Variants in VPS8 observed in about 807,000 individuals in gnomAD.
The protein encoded by VPS8 is VPS8 subunit of CORVET complex.
Under a neutral mutation model 216.4 loss-of-function variants are expected in VPS8, and 129 were observed. The observed-to-expected ratio is 0.60, with a 90% CI of 0.52 to 0.69. The LOEUF is 0.69. Ranked by LOEUF, VPS8 falls within the 30% of genes least tolerant of loss-of-function variation. The pLI, the probability that VPS8 is intolerant of heterozygous loss-of-function variation, is 0.00. For synonymous variants in VPS8, 571 were observed against 565.4 expected, an observed-to-expected ratio of 1.01 and a Z score of -0.14; for missense variants, 1,531 against 1,683.5, an observed-to-expected ratio of 0.91 and a Z score of 1.59.
At chr3:184,896,458 C>T (rs1437137417) in intron 23 of VPS8, among the ~76,000 whole-genome samples, 1 of 152,108 alleles carries the variant, frequency 6.6e-6, no homozygotes, top group Non-Finnish European at 1.5e-5. Flanking sequence ...GGTTACTGCC[C>T]TATCTCACTC....
At chr3:184,997,713 C>G (rs759254001) in intron 44 of VPS8, among the ~76,000 whole-genome samples, 1 of 152,048 alleles carries the variant, frequency 6.6e-6, no homozygotes, top group Non-Finnish European at 1.5e-5. Context: ...AAAGGAGATA[C>G]AGAGTGTTTG....
intron 22 of VPS8, 122 bp from the exon 23 acceptor site, chr3:184,894,581 C>A: frequency 1.5e-6 from 1 of 657,016 alleles, no homozygotes; most frequent in Non-Finnish European, 2.5e-6. Context: ...AATATTATTG[C>A]CATTTTAAAT....
chr3:185,006,626 T>C (rs894562654), intron 45 of VPS8, among the ~76,000 whole-genome samples: 4 of 152,246 alleles, frequency 2.6e-5, no homozygotes, highest in Non-Finnish European at 5.9e-5. Context: ...AATTTTGTTA[T>C]ATGAAAGTTT....
At chr3:185,016,314 A>T (rs1755784454) in intron 45 of VPS8, among the ~76,000 whole-genome samples, 1 of 152,210 alleles carries the variant, frequency 6.6e-6, no homozygotes, top group Non-Finnish European at 1.5e-5. Context: ...CAGTGTGAGA[A>T]ATCGAATTTT....
chr3:184,841,184 GTAGAAAATA>G (rs1415097654), intron 7 of VPS8, among the ~76,000 whole-genome samples: 4 of 152,058 alleles, frequency 2.6e-5, no homozygotes, highest in Admixed American at 6.5e-5. Context: ...TATAGTCATA[GTAGAAAATA>G]TAGAAAATAT....
intron 45 of VPS8, among the ~76,000 whole-genome samples, chr3:185,015,006 G>A (rs1006288735): frequency 1.3e-5 from 2 of 152,194 alleles, no homozygotes; most frequent in East Asian, 3.9e-4. Flanking sequence ...TCTCCCAAAC[G>A]AGGGAACATG....
chr3:184,901,075 A>G, intron 25 of VPS8, 103 bp downstream of exon 25: 2 of 990,692 alleles, frequency 2.0e-6, no homozygotes, highest in Non-Finnish European at 1.6e-6. Context: ...GAATGTTGGT[A>G]ATCATGTACA....
At chr3:184,969,276 C>G (rs1747948029) in intron 39 of VPS8, among the ~76,000 whole-genome samples, 1 of 151,310 alleles carries the variant, frequency 6.6e-6, no homozygotes, top group Non-Finnish European at 1.5e-5. Context: ...TGCCACCACA[C>G]CCGGCTAATT....
intron 46 of VPS8, among the ~76,000 whole-genome samples, chr3:185,031,062 C>CTTTTTTTTTTT (rs1561198896): frequency 2.7e-5 from 2 of 75,238 alleles, no homozygotes; most frequent in African/African-American, 1.5e-4. Flanking sequence ...TACAGGTTGG[C>CTTTTTTTTTTT]GTTTTTTTTT....
At chr3:184,998,232 A>G (rs978747444) in intron 44 of VPS8, among the ~76,000 whole-genome samples, 2 of 152,112 alleles carry the variant, frequency 1.3e-5, no homozygotes, top group Non-Finnish European at 2.9e-5. Context: ...GATCTGACCT[A>G]TGTCTTAAGG....
chr3:185,027,552 T>G (rs1757567226), intron 46 of VPS8, among the ~76,000 whole-genome samples: 1 of 152,190 alleles, frequency 6.6e-6, no homozygotes, highest in African/African-American at 2.4e-5. Context: ...CTTACGTTCT[T>G]TATGGCAGAA....
chr3:184,880,688 A>G lies in VPS8; in HGVS notation c.1735-5422A>G, dbSNP rs555323808. On this transcript the variant is annotated intron_variant, in intron 21 of 47. Transcript: ENST00000625842. ...TTCTCTAGGAGAAATGTCCAGGTTTACAATTGTTGGATCATATGATAGTTG... is the reference window on the plus strand; with the variant it reads ...TTCTCTAGGAGAAATGTCCAGGTTTGCAATTGTTGGATCATATGATAGTTG... Among the ~76,000 whole-genome samples the G allele has an allele frequency of 1.4e-4, 22 of 152,322 alleles. 1 individual carries two copies. In the South Asian group the frequency reaches 4.6e-3, roughly 32 times the overall value.
chr3:184,965,006 T>C (rs1747148972), intron 38 of VPS8, among the ~76,000 whole-genome samples: 1 of 152,192 alleles, frequency 6.6e-6, no homozygotes, highest in South Asian at 2.1e-4. Flanking sequence ...TTTGAGGAAT[T>C]GCCCTACTGT....
chr3:185,000,648 G>A (rs1474626592), intron 45 of VPS8, among the ~76,000 whole-genome samples: 3 of 134,862 alleles, frequency 2.2e-5, no homozygotes, highest in East Asian at 2.2e-4. Context: ...TCGCTCTGTT[G>A]CCCAGGCTGG....
chr3:185,012,810 GAC>G (rs1482804025), intron 45 of VPS8, among the ~76,000 whole-genome samples: 1 of 152,138 alleles, frequency 6.6e-6, no homozygotes, highest in Non-Finnish European at 1.5e-5. Context: ...AGAGGAATTA[GAC>G]ACACACACAG....
rs180707880 is a variant in VPS8 at position 184,886,846 on chromosome 3, T to C, written c.1781+690T>C. The stretch of plus-strand genomic sequence containing the variant: ...CACCCGCCTCAGCCTCCTGAAGTGC[T>C]GGGAGTACAGGCGTGAGCCACCATG... On this transcript the variant is annotated intron_variant, in intron 22 of 47. Transcript: ENST00000625842. Among the ~76,000 whole-genome samples the C allele has an allele frequency of 6.4e-4, 98 of 152,296 alleles. 2 individuals are homozygous for C. Among genetic ancestry groups the C allele is most frequent in the Non-Finnish European group, 5.7e-4 (39 of 68,020 alleles).
At chr3:184,877,424 C>T (rs2108815153) in intron 21 of VPS8, among the ~76,000 whole-genome samples, 1 of 152,308 alleles carries the variant, frequency 6.6e-6, no homozygotes, top group Admixed American at 6.5e-5. Context: ...GTAGAGCTTG[C>T]TTTGAAAGCA....
chr3:184,950,366 A>C (rs1055804814), intron 36 of VPS8, among the ~76,000 whole-genome samples: 1 of 151,582 alleles, frequency 6.6e-6, no homozygotes, highest in African/African-American at 2.4e-5. Flanking sequence ...TTAAGCAGAC[A>C]GGATTTAGGC....
intron 16 of VPS8, 92 bp from the exon 17 acceptor site, chr3:184,866,778 GTGTAAC>G: frequency 5.5e-6 from 6 of 1,081,280 alleles, no homozygotes; most frequent in Non-Finnish European, 6.7e-6. Context: ...TAAAAAAGAC[GTGTAAC>G]TAATAAGTCA....
Sources: gnomAD v4.1 joint callset for allele counts (sites outside exome capture counted in the v4.1 genomes callset) on GRCh38, gnomAD v4.1.1 for gene constraint, MANE v1.5 for transcripts, NCBI Gene and HGNC (gene_info 2026-07-23, HGNC 2026-07-21) for gene names.